WWP2: variants seen among roughly 807,000 people sequenced by gnomAD.
The protein encoded by WWP2 is WW domain containing E3 ubiquitin protein ligase 2.
In WWP2, 57 loss-of-function variants were observed where a neutral mutation model predicts 121.0. The observed-to-expected ratio is 0.47, with a 90% confidence interval of 0.38 to 0.59. The LOEUF is 0.59. Ranked by LOEUF, WWP2 falls within the 20% of genes least tolerant of loss-of-function variation. WWP2 has a pLI of 0.00. For missense variants in WWP2, 962 were observed against 1,158.9 expected, an observed-to-expected ratio of 0.83 and a Z score of 2.47; for synonymous variants, 449 against 441.3, an observed-to-expected ratio of 1.02 and a Z score of -0.22.
chr16:69,931,642 C>A, intron 15 of WWP2, 62 bp downstream of exon 15: 1 of 1,606,060 alleles, frequency 6.2e-7, no homozygotes, highest in South Asian at 1.1e-5. Flanking sequence ...ACCCCATCTC[C>A]TATCGCGTGG....
chr16:69,806,426 A>C (rs903423969), intron 4 of WWP2, among the ~76,000 whole-genome samples: 11 of 152,280 alleles, frequency 7.2e-5, no homozygotes, highest in Middle Eastern at 3.4e-3. Flanking sequence ...AGCTAATTTT[A>C]TAAAGTAAAT....
intron 6 of WWP2, among the ~76,000 whole-genome samples, chr16:69,851,008 ATT>A (rs35175050): frequency 5.5e-5 from 6 of 109,556 alleles, no homozygotes; most frequent in Admixed American, 1.0e-4. Flanking sequence ...TCACTCTTTA[ATT>A]TTTTTTTTTT....
chr16:69,774,354 C>T (rs2055479232), intron 1 of WWP2, among the ~76,000 whole-genome samples: 1 of 151,992 alleles, frequency 6.6e-6, no homozygotes, highest in African/African-American at 2.4e-5. Context: ...CTCCCAGGCT[C>T]AAGCGATCCT....
intron 9 of WWP2, among the ~76,000 whole-genome samples, chr16:69,912,986 ATATATATATTTTTTTTTTTTTTT>A (rs2058419134): frequency 1.6e-4 from 1 of 6,308 alleles, no homozygotes; most frequent in Non-Finnish European, 2.9e-4. Flanking sequence ...ATATATATAT[ATATATATATTTTTTTTTTTTTTT>A]TTTTTTTTTT....
intron 1 of WWP2, among the ~76,000 whole-genome samples, chr16:69,780,209 A>G (rs901939968): frequency 3.3e-5 from 5 of 150,144 alleles, no homozygotes; most frequent in African/African-American, 9.8e-5. Flanking sequence ...TGTTTTGTGT[A>G]AGTTCAAGTG....
intron 15 of WWP2, 107 bp from the exon 16 acceptor site, chr16:69,931,695 G>C: frequency 1.3e-6 from 2 of 1,566,118 alleles, no homozygotes; most frequent in East Asian, 4.5e-5. Context: ...CGTGAGTCTT[G>C]GTGACTGTGT....
At chr16:69,833,192 C>G (rs2056821708) in intron 4 of WWP2, among the ~76,000 whole-genome samples, 1 of 152,220 alleles carries the variant, frequency 6.6e-6, no homozygotes, top group Non-Finnish European at 1.5e-5. Flanking sequence ...AGTCAGGAAC[C>G]AAACAAGATT....
intron 1 of WWP2, among the ~76,000 whole-genome samples, chr16:69,777,260 T>A (rs1175102362): frequency 6.6e-6 from 1 of 151,992 alleles, no homozygotes; most frequent in Non-Finnish European, 1.5e-5. Context: ...TTGGTAAAAC[T>A]TTTTGTGAAA....
rs190518978 is a variant in WWP2, at chr16:69,833,097, G to A, written c.341-7029G>A. On this transcript the variant is annotated intron_variant, in intron 4 of 23. Transcript: ENST00000359154. ...TGGTCTCAAACTCTTGGACTCAAGCGAGCCCCCTGCCTTGGCCTCCCAAAG... is the reference window on the plus strand; with the variant it reads ...TGGTCTCAAACTCTTGGACTCAAGCAAGCCCCCTGCCTTGGCCTCCCAAAG... 4.5e-4 allele frequency among the ~76,000 whole-genome samples: 68 copies of A among 152,194 alleles called. 1 individual carries two copies. Among genetic ancestry groups the A allele is most frequent in the Middle Eastern group, 3.4e-3 (1 of 294 alleles).
intron 4 of WWP2, among the ~76,000 whole-genome samples, chr16:69,815,867 G>A (rs1315372486): frequency 6.6e-6 from 1 of 151,138 alleles, no homozygotes; most frequent in Non-Finnish European, 1.5e-5. Flanking sequence ...TCCTTTCTCT[G>A]CTTTATTTTC....
chr16:69,823,474 T>G (rs191544451), intron 4 of WWP2, among the ~76,000 whole-genome samples: 1,834 of 151,630 alleles, frequency 0.012, 37 homozygotes, highest in African/African-American at 0.042. Flanking sequence ...CTTTTTCTTG[T>G]GTTTTTTTTT....
At chr16:69,775,360 G>A (rs950629440) in intron 1 of WWP2, among the ~76,000 whole-genome samples, 1 of 152,146 alleles carries the variant, frequency 6.6e-6, no homozygotes, top group African/African-American at 2.4e-5. Flanking sequence ...GTGACTTCCT[G>A]CTTTTCCTGT....
In WWP2 at chr16:69,931,784, G is replaced by C. The variant is rs8056578; in HGVS notation, c.1594-18G>C. The C allele has an allele frequency of 1.2e-6, 2 of 1,612,764 alleles. No individual in the cohort carries two copies. The highest frequency in any genetic ancestry group is 1.3e-5 in the African/African-American group (1 of 74,888). On this transcript the variant is annotated intron_variant, in intron 15 of 23. Coordinates refer to ENST00000359154, the MANE Select transcript of WWP2 (RefSeq NM_001270454.2). ...GGAAGGGAGAGTGGCAGGCTGGCCC[G>C]ATGCTCTGTCTTCCCAGATCATGAA...
intron 10 of WWP2, among the ~76,000 whole-genome samples, chr16:69,920,203 G>A (rs2058539201): frequency 1.3e-5 from 2 of 152,164 alleles, no homozygotes; most frequent in South Asian, 4.1e-4. Context: ...AAACCATGGA[G>A]GACCTCAGTT....
intron 9 of WWP2, among the ~76,000 whole-genome samples, chr16:69,911,563 G>C (rs1423298247): frequency 6.6e-6 from 1 of 152,146 alleles, no homozygotes; most frequent in Non-Finnish European, 1.5e-5. Flanking sequence ...TCTCAGGTTT[G>C]GGGGAGATGC....
At position 69,935,704 on chromosome 16, in the gene WWP2, C is replaced by T. The variant is rs2058786844; in HGVS notation, c.1843-149C>T. On this transcript the variant is annotated intron_variant, in intron 17 of 23. Coordinates refer to ENST00000359154, the MANE Select transcript of WWP2 (RefSeq NM_001270454.2). This position sits in a 1 kb window ranked among gnomAD's most constrained non-coding sequence, Gnocchi z 5.2. ...AGGCGTTGTTTACTCCTGAGGCCCT[C>T]CCGCTGCGTCCGAGGCAGCTGCTGC... 3 of 1,174,076 alleles carry T rather than the reference C, an allele frequency of 2.6e-6. No individual in the cohort carries two copies. The highest frequency in any genetic ancestry group is 1.5e-5 in the South Asian group (1 of 67,520). The allele number at this position is 1,174,076 out of a possible 1,614,324, so 72.7% of individuals were successfully genotyped here. A position where few individuals can be genotyped will look rare whatever the true frequency, so the allele number is the denominator to read the frequency against.
At chr16:69,781,918 C>T (rs2055671902) in intron 1 of WWP2, among the ~76,000 whole-genome samples, 4 of 152,206 alleles carry the variant, frequency 2.6e-5, no homozygotes, top group South Asian at 2.1e-4. Context: ...GGCCCCAGCC[C>T]TGAAGTAACA....
chr16:69,853,399 T>C (rs1340080987), intron 6 of WWP2, among the ~76,000 whole-genome samples: 2 of 152,186 alleles, frequency 1.3e-5, no homozygotes, highest in African/African-American at 2.4e-5. Context: ...CGATGAGGCA[T>C]GGTGTCTGCT....
chr16:69,934,574 T>C (rs1401334164), intron 17 of WWP2, among the ~76,000 whole-genome samples: 1 of 151,978 alleles, frequency 6.6e-6, no homozygotes, highest in African/African-American at 2.4e-5. Flanking sequence ...AAACCATAGC[T>C]GCCCACCTGC....
Sources: gnomAD v4.1 joint callset for allele counts (sites outside exome capture counted in the v4.1 genomes callset) on GRCh38, gnomAD v4.1.1 for gene constraint, Gnocchi (gnomAD v3.1) non-coding constraint, MANE v1.5 for transcripts, NCBI Gene and HGNC (gene_info 2026-07-23, HGNC 2026-07-21) for gene names.